Variants in C8orf34 observed in about 807,000 individuals in gnomAD.
C8orf34 encodes the protein uncharacterized protein C8orf34.
In C8orf34, 65 loss-of-function variants were observed where a neutral mutation model predicts 68.3. That is an observed-to-expected ratio of 0.95 (90% confidence interval 0.78 to 1.17). The LOEUF (loss-of-function observed/expected upper bound fraction) is 1.17. Among genes scored for constraint, C8orf34 ranks in the 50% most tolerant of loss-of-function variants. C8orf34 has a pLI of 0.00. For synonymous variants in C8orf34, 244 were observed against 241.2 expected (o/e 1.01, Z -0.11); for missense variants, 664 against 655.4 (o/e 1.01, Z -0.14).
intron 7 of C8orf34, among the ~76,000 whole-genome samples, chr8:68,564,760 G>T (rs116154499): frequency 2.0e-5 from 3 of 152,158 alleles, no homozygotes; most frequent in African/African-American, 4.8e-5. Context: ...TGTCAATTTC[G>T]TGGATGCTAT....
At chr8:68,805,541 G>T (rs924964513) in intron 12 of C8orf34, among the ~76,000 whole-genome samples, 1 of 152,164 alleles carries the variant, frequency 6.6e-6, no homozygotes, top group Non-Finnish European at 1.5e-5. Flanking sequence ...AAATTTAAAA[G>T]TGTATCTTCC....
intron 3 of C8orf34, among the ~76,000 whole-genome samples, chr8:68,466,039 T>TA (rs200092636): frequency 5.5e-3 from 112 of 20,512 alleles, no homozygotes; most frequent in East Asian, 0.014. Flanking sequence ...ATTTGGTCAT[T>TA]TAAAAAAAAA....
intron 10 of C8orf34, among the ~76,000 whole-genome samples, chr8:68,732,004 T>C (rs975403799): frequency 7.2e-5 from 11 of 152,242 alleles, no homozygotes; most frequent in African/African-American, 2.4e-4. Context: ...CTGTGTACTG[T>C]ACAAATATTG....
At chr8:68,788,092 G>A (rs937187600) in intron 12 of C8orf34, among the ~76,000 whole-genome samples, 5 of 152,278 alleles carry the variant, frequency 3.3e-5, no homozygotes, top group Admixed American at 6.5e-5. Context: ...ATGCTCTCCA[G>A]GGTTTGTTGA....
intron 7 of C8orf34, among the ~76,000 whole-genome samples, chr8:68,547,798 G>A (rs145210921): frequency 2.9e-3 from 434 of 151,754 alleles, no homozygotes; most frequent in African/African-American, 9.4e-3. Context: ...CTGATTGCAA[G>A]ACTTACCCTA....
At chr8:68,560,744 T>C (rs576777217) in intron 7 of C8orf34, among the ~76,000 whole-genome samples, 2 of 152,284 alleles carry the variant, frequency 1.3e-5, no homozygotes, top group South Asian at 2.1e-4. Flanking sequence ...GGTACTCCTG[T>C]ACAGGACACT....
chr8:68,342,082 C>G (rs1806093489), intron 1 of C8orf34, among the ~76,000 whole-genome samples: 1 of 151,852 alleles, frequency 6.6e-6, no homozygotes, highest in African/African-American at 2.4e-5. Flanking sequence ...AGATTTTTAC[C>G]ACAAACAAAA....
chr8:68,627,831 A>G (rs1207504358), intron 7 of C8orf34, among the ~76,000 whole-genome samples: 1 of 152,208 alleles, frequency 6.6e-6, no homozygotes, highest in African/African-American at 2.4e-5. Context: ...AATTTTTACA[A>G]AACTCTGTGG....
chr8:68,767,551 T>C (rs1823215749), intron 10 of C8orf34, among the ~76,000 whole-genome samples: 1 of 152,218 alleles, frequency 6.6e-6, no homozygotes, highest in South Asian at 2.1e-4. Context: ...TTCAACATGC[T>C]CCTTCAGTTC....
At chr8:68,385,874 A>T (rs1808237426) in intron 1 of C8orf34, among the ~76,000 whole-genome samples, 1 of 152,184 alleles carries the variant, frequency 6.6e-6, no homozygotes, top group Admixed American at 6.5e-5. Context: ...CCAAAAACCT[A>T]GATGATGAAA....
chr8:68,816,441 C>G (rs1008565132), intron 13 of C8orf34, among the ~76,000 whole-genome samples: 4 of 152,254 alleles, frequency 2.6e-5, no homozygotes, highest in East Asian at 1.9e-4. Flanking sequence ...TTTGTCATCT[C>G]TTAAGTATGT....
At chr8:68,598,436 C>G (rs1817608093) in intron 7 of C8orf34, among the ~76,000 whole-genome samples, 1 of 152,094 alleles carries the variant, frequency 6.6e-6, no homozygotes, top group Non-Finnish European at 1.5e-5. Context: ...TGTGGCAAGT[C>G]CAGTTCCTCA....
At chr8:68,816,044 A>G (rs1055419825) in intron 13 of C8orf34, 99 bp downstream of exon 13, 1 of 1,584,194 alleles carries the variant, frequency 6.3e-7, no homozygotes, top group Non-Finnish European at 8.6e-7. Flanking sequence ...AGTCCTCATG[A>G]CCTCTAATGA....
Position 68,393,231 on chromosome 8 carries a change from T to G in C8orf34, c.328-46268T>G, listed in dbSNP as rs112299236. Among the ~76,000 whole-genome samples, 307 of 152,228 alleles carry G rather than the reference T, an allele frequency of 2.0e-3. 1 individual carries two copies. Among genetic ancestry groups the G allele is most frequent in the African/African-American group, 7.0e-3 (292 of 41,548 alleles). On this transcript the variant is annotated intron_variant, in intron 1 of 13. Transcript: ENST00000518698. ...TAAAGTCTTAATCTTTTTCTAATATTTTCCACACATTACAAAAAATGTTGG... is the reference window on the plus strand; with the variant it reads ...TAAAGTCTTAATCTTTTTCTAATATGTTCCACACATTACAAAAAATGTTGG...
rs1041346278 is a variant in C8orf34, at chr8:68,747,810, C to T, written c.1404+26373C>T. On this transcript the variant is annotated intron_variant, in intron 10 of 13. Transcript: ENST00000518698. ...AATATCGTGAAAATGGCCATACTGC[C>T]CAAGGTAATTTATAGATTCAATGCC... 1.1e-3 allele frequency among the ~76,000 whole-genome samples: 166 copies of T among 151,456 alleles called. 1 individual carries two copies. The highest frequency in any genetic ancestry group is 1.9e-3 in the Non-Finnish European group (131 of 67,722).
intron 8 of C8orf34, among the ~76,000 whole-genome samples, chr8:68,643,713 A>C (rs189131148): frequency 5.8e-4 from 88 of 152,226 alleles, no homozygotes; most frequent in African/African-American, 2.0e-3. Context: ...TCACCTCCCA[A>C]TATCCCTACC....
At position 68,379,464 on chromosome 8, in the gene C8orf34, C is replaced by T. The variant is rs371973505; in HGVS notation, c.327+48125C>T. On this transcript the variant is annotated intron_variant, in intron 1 of 13. Coordinates refer to ENST00000518698, the MANE Select transcript of C8orf34 (RefSeq NM_052958.4). ...GAAGTTTATCTATCTTCATGCCCCG[C>T]TCCACAGCAGCGCTGACTGAGATGA... is the stretch of plus-strand genomic sequence containing the variant. 7.0e-4 allele frequency among the ~76,000 whole-genome samples: 106 copies of T among 152,344 alleles called. 4 individuals carry two copies. The South Asian group carries it at 0.021, about 30-fold the overall frequency.
At chr8:68,510,963 G>T (rs200824698) in intron 5 of C8orf34, among the ~76,000 whole-genome samples, 1 of 152,148 alleles carries the variant, frequency 6.6e-6, no homozygotes. Flanking sequence ...GGACTGCATA[G>T]ATGAGGGTAT....
At chr8:68,618,445 G>T (rs1473242987) in intron 7 of C8orf34, among the ~76,000 whole-genome samples, 1 of 152,120 alleles carries the variant, frequency 6.6e-6, no homozygotes, top group East Asian at 1.9e-4. Context: ...TGCTTCCCAG[G>T]CTCAACAGAT....
Sources: allele counts gnomAD v4.1 joint callset (sites outside exome capture counted in the v4.1 genomes callset), GRCh38; gene constraint gnomAD v4.1.1; transcripts MANE v1.5; gene names NCBI Gene and HGNC (gene_info 2026-07-23, HGNC 2026-07-21).